Variants in POLQ observed in about 807,000 individuals in gnomAD.
POLQ encodes DNA polymerase theta.
In POLQ, 233 loss-of-function variants were observed where a neutral mutation model predicts 259.2. That is an observed-to-expected ratio of 0.90 (90% CI 0.81 to 1.00). POLQ has a LOEUF of 1.00. Among genes scored for constraint, POLQ ranks in the 50% least tolerant of loss-of-function variants. The pLI is 0.00. For missense variants in POLQ, 2,871 were observed against 3,051.6 expected (o/e 0.94, Z 1.39); for synonymous variants, 1,025 against 1,048.8 (o/e 0.98, Z 0.44).
intron 26 of POLQ, among the ~76,000 whole-genome samples, chr3:121,445,846 G>C (rs2047628691): frequency 6.9e-6 from 1 of 145,908 alleles, no homozygotes; most frequent in Non-Finnish European, 1.5e-5. Context: ...CTGGGTGACA[G>C]AGCAACACTC....
At chr3:121,444,066 T>C (rs1039895158) in intron 26 of POLQ, among the ~76,000 whole-genome samples, 4 of 152,186 alleles carry the variant, frequency 2.6e-5, no homozygotes, top group African/African-American at 9.6e-5. Flanking sequence ...TTGGCTATTC[T>C]AGGTCTCTTG....
chr3:121,470,222 G>T (rs1337075806), intron 22 of POLQ, among the ~76,000 whole-genome samples: 3 of 152,112 alleles, frequency 2.0e-5, no homozygotes, highest in Admixed American at 1.3e-4. Flanking sequence ...TCACGCCACT[G>T]CACTCCAGTC....
At chr3:121,493,093 G>T (rs2048082803) in intron 15 of POLQ, among the ~76,000 whole-genome samples, 1 of 152,144 alleles carries the variant, frequency 6.6e-6, no homozygotes. Flanking sequence ...GCTGAGGTCA[G>T]GAGTTCAAGA....
chr3:121,520,053 T>C lies in POLQ; in HGVS notation c.1286A>G (p.Glu429Gly). ...AATGAGACCTTGACGAAAGGCTCCT[T>C]CAATGATATCCCTCTCCTCAAAAGT... is the stretch of plus-strand genomic sequence containing the variant. Reference protein sequence around the residue: ...GLTFEERDIIEGAFRQGLIRV... With the variant: ...GLTFEERDIIGGAFRQGLIRV... Residue 429 changes from glutamate to glycine, a missense_variant, in exon 9 of 30, where the codon GAA becomes GGA. Physicochemically the swap from Glu to Gly is moderately conservative, Grantham distance 98. This residue lies in a region of POLQ where 783 missense variants were observed against 906.2 expected (regional missense o/e 0.86). Transcript: ENST00000264233. 1.9e-6 allele frequency: 3 copies of C among 1,612,686 alleles called. No individual in the cohort carries two copies. Among genetic ancestry groups the C allele is most frequent in the Non-Finnish European group, 2.5e-6 (3 of 1,178,766 alleles).
intron 12 of POLQ, among the ~76,000 whole-genome samples, chr3:121,503,600 T>C (rs1013341586): frequency 1.3e-5 from 2 of 152,126 alleles, no homozygotes; most frequent in Admixed American, 1.3e-4. Flanking sequence ...CACCAAACCA[T>C]AGCAAAATGT....
intron 25 of POLQ, among the ~76,000 whole-genome samples, chr3:121,454,825 A>G (rs1276819572): frequency 6.6e-6 from 1 of 152,226 alleles, no homozygotes; most frequent in Admixed American, 6.5e-5. Context: ...CAGATCAACG[A>G]GACAGAAAGT....
chr3:121,453,856 A>G (rs1278262290), intron 25 of POLQ, among the ~76,000 whole-genome samples: 2 of 152,224 alleles, frequency 1.3e-5, no homozygotes, highest in African/African-American at 2.4e-5. Context: ...GCAGGCCAAC[A>G]TTCACATTCA....
intron 18 of POLQ, 51 bp downstream of exon 18, chr3:121,483,334 TA>T: frequency 9.9e-7 from 1 of 1,007,266 alleles, no homozygotes; most frequent in Non-Finnish European, 1.4e-6. Context: ...ATTTAAGAAT[TA>T]ACACTAAAAA....
chr3:121,494,589 C>A lies in POLQ; in HGVS notation c.2279-868G>T. ...CAGCTGGTGGTGATTGCACACAACG[C>A]GGATCCCATCAAGCTGGCTGTCTTC... On this transcript the variant is annotated intron_variant, in intron 14 of 29. Transcript: ENST00000264233. 6 of 1,560,366 alleles carry A rather than the reference C, an allele frequency of 3.8e-6. No homozygotes were observed. In the South Asian group the frequency reaches 4.5e-5, roughly 12 times the overall value.
At chr3:121,479,678 C>A (rs997464339) in intron 19 of POLQ, among the ~76,000 whole-genome samples, 12 of 152,030 alleles carry the variant, frequency 7.9e-5, no homozygotes, top group African/African-American at 2.4e-4. Flanking sequence ...GTCTCAAACT[C>A]CTGGCCTCAA....
rs767422808 is a variant in POLQ, at chr3:121,488,672, G to A, written c.4259C>T (p.Pro1420Leu). The change falls in exon 16 of 30, where the codon CCA becomes CTA. Residue 1420 changes from proline to leucine, a missense_variant. Physicochemically the swap from Pro to Leu is moderately conservative, Grantham distance 98. Transcript: ENST00000264233. ...AAGACCATTTTCCTCCAATAGTATT[G>A]GAGAATGGAAAATCGGGCTTTCTGG... ...LTPESPIFHS[P>L]ILLEENGLFL... The A allele has an allele frequency of 3.7e-6, 6 of 1,612,144 alleles. No individual in the cohort carries two copies. The highest frequency in any genetic ancestry group is 1.1e-5 in the South Asian group (1 of 90,336).
chr3:121,489,997 T>C lies in POLQ; in HGVS notation c.2934A>G (p.Gln978=). The C allele has an allele frequency of 1.9e-6, 3 of 1,580,492 alleles. No homozygotes were observed. The highest frequency in any genetic ancestry group is 1.7e-6 in the Non-Finnish European group (2 of 1,170,092). ...SFNCNFQNGN[Q]EHQTCSIFRA... ...TGAAAATGGAACATGTCTGATGTTCTTGATTCCCATTCTGGAAATTACAAT... is the reference window on the plus strand; with the variant it reads ...TGAAAATGGAACATGTCTGATGTTCCTGATTCCCATTCTGGAAATTACAAT... The change falls in exon 16 of 30, where the codon CAA becomes CAG. Residue 978 remains glutamine (Q), a synonymous_variant. Transcript: ENST00000264233.
intron 2 of POLQ, among the ~76,000 whole-genome samples, chr3:121,543,617 T>C (rs1183529180): frequency 6.6e-6 from 1 of 152,214 alleles, no homozygotes. Flanking sequence ...AATTGCATCT[T>C]ACCAAATGAT....
intron 9 of POLQ, among the ~76,000 whole-genome samples, chr3:121,516,848 G>GAC (rs2048301326): frequency 6.6e-6 from 1 of 152,180 alleles, no homozygotes; most frequent in African/African-American, 2.4e-5. Context: ...TTAGCTTGAA[G>GAC]TTATGAGCAA....
intron 25 of POLQ, among the ~76,000 whole-genome samples, chr3:121,457,215 C>T (rs867523304): frequency 6.6e-6 from 1 of 152,172 alleles, no homozygotes; most frequent in Non-Finnish European, 1.5e-5. Flanking sequence ...CTTCCTTACA[C>T]CTTATACAAA....
intron 24 of POLQ, among the ~76,000 whole-genome samples, chr3:121,464,496 A>T (rs998475851): frequency 3.9e-5 from 6 of 152,238 alleles, no homozygotes; most frequent in Admixed American, 1.3e-4. Context: ...AAAAATTTTT[A>T]AAAATGCTCT....
chr3:121,457,489 A>T (rs2047751999), intron 25 of POLQ, among the ~76,000 whole-genome samples: 1 of 152,244 alleles, frequency 6.6e-6, no homozygotes, highest in African/African-American at 2.4e-5. Context: ...TACTCATCTG[A>T]CAAAGGGCTA....
chr3:121,441,442 T>G (rs986134421), intron 26 of POLQ, among the ~76,000 whole-genome samples: 2 of 152,218 alleles, frequency 1.3e-5, no homozygotes, highest in African/African-American at 4.8e-5. Context: ...ATGATACTCT[T>G]AAGTTTTTCA....
chr3:121,536,056 G>A (rs1204981112), intron 5 of POLQ, among the ~76,000 whole-genome samples: 4 of 152,162 alleles, frequency 2.6e-5, no homozygotes, highest in East Asian at 1.9e-4. Flanking sequence ...TTAGCAGTAA[G>A]TATCTGGAAA....
Sources: allele counts gnomAD v4.1 joint callset (sites outside exome capture counted in the v4.1 genomes callset), GRCh38; gene constraint gnomAD v4.1.1; regional missense constraint gnomAD v4.1.1; transcripts MANE v1.5; gene names NCBI Gene and HGNC (gene_info 2026-07-23, HGNC 2026-07-21).